Variants in PDGFRL observed in about 807,000 individuals in gnomAD.
The protein encoded by PDGFRL is platelet derived growth factor receptor like, also known as platelet-derived growth factor receptor-like protein.
In PDGFRL, 46 loss-of-function variants were observed where a neutral mutation model predicts 37.2. The observed-to-expected ratio is 1.24, with a 90% CI of 0.98 to 1.58. The LOEUF (loss-of-function observed/expected upper bound fraction) is 1.58. Ranked by LOEUF, PDGFRL falls within the 40% of genes most tolerant of loss-of-function variation. The pLI, the probability that PDGFRL is intolerant of heterozygous loss-of-function variation, is 0.00. For synonymous variants in PDGFRL, 251 were observed against 184.3 expected (o/e 1.36, Z -2.93); for missense variants, 692 against 467.6 (o/e 1.48, Z -4.43).
rs549891078 is a variant in PDGFRL, at chr8:17,624,780, C to T, written c.505+3578C>T. On this transcript the variant is annotated intron_variant, in intron 3 of 5. Coordinates refer to ENST00000251630, the MANE Select transcript of PDGFRL (RefSeq NM_001372073.1). ...AAAATTAGGTGGGCATGGTGGCACA[C>T]GCCTGTAATTCCAGCTACTCGGGAG... 1.1e-4 allele frequency among the ~76,000 whole-genome samples: 17 copies of T among 152,168 alleles called. No individual in the cohort carries two copies. In the South Asian group the frequency reaches 2.7e-3, roughly 24 times the overall value.
intron 2 of PDGFRL, among the ~76,000 whole-genome samples, chr8:17,616,634 G>C (rs565698485): frequency 2.0e-5 from 3 of 152,118 alleles, no homozygotes; most frequent in South Asian, 2.1e-4. Context: ...CTCGATTTGC[G>C]CATGTTGACA....
intron 5 of PDGFRL, among the ~76,000 whole-genome samples, chr8:17,638,759 ATATATATATATATATATATATATATAT>A (rs1563532452): frequency 9.7e-5 from 9 of 92,830 alleles, no homozygotes; most frequent in South Asian, 6.4e-4. Context: ...ATATATATAT[ATATATATATATATATATATATATATAT>A]AATTGTGATA....
chr8:17,589,737 C>T lies in PDGFRL; in HGVS notation c.325C>T (p.Leu109=). 6.2e-7 allele frequency: 1 copy of T among 1,611,728 alleles called. No homozygotes were observed. Among genetic ancestry groups the T allele is most frequent in the South Asian group, 1.1e-5 (1 of 90,978 alleles). ...SRIGWSYPAY[L]DTFKDSRLSV... ...AATTGGGTGGAGCTACCCTGCGTATCTGGACACCTTTAAGGATTCTCGCCT... is the reference window on the plus strand; with the variant it reads ...AATTGGGTGGAGCTACCCTGCGTATTTGGACACCTTTAAGGATTCTCGCCT... Residue 109 remains leucine (L), a synonymous_variant, in exon 2 of 6, where the codon CTG becomes TTG. Transcript: ENST00000251630.
intron 2 of PDGFRL, 40 bp from the exon 3 acceptor site, chr8:17,621,011 G>A (rs1267152255): frequency 1.3e-6 from 2 of 1,541,192 alleles, no homozygotes; most frequent in Non-Finnish European, 1.8e-6. Flanking sequence ...GCCCCAGCCA[G>A]GTCTGACTTG....
chr8:17,609,650 A>T (rs1563517626), intron 2 of PDGFRL, among the ~76,000 whole-genome samples: 1 of 143,852 alleles, frequency 7.0e-6, no homozygotes, highest in African/African-American at 2.5e-5. Flanking sequence ...AAAAAAAAAA[A>T]AAAAAAAAAA....
chr8:17,637,544 G>C (rs536935211), intron 5 of PDGFRL, among the ~76,000 whole-genome samples: 6 of 152,098 alleles, frequency 3.9e-5, no homozygotes, highest in Middle Eastern at 3.4e-3. Flanking sequence ...TTTTTGTTAT[G>C]TCCTTTCCTG....
chr8:17,595,889 C>T (rs1029412925), intron 2 of PDGFRL, among the ~76,000 whole-genome samples: 1 of 152,210 alleles, frequency 6.6e-6, no homozygotes, highest in African/African-American at 2.4e-5. Flanking sequence ...GAGGGAGGGG[C>T]AGGCAGGCCC....
intron 2 of PDGFRL, among the ~76,000 whole-genome samples, chr8:17,616,622 C>T (rs976771372): frequency 6.6e-6 from 1 of 152,112 alleles, no homozygotes; most frequent in Non-Finnish European, 1.5e-5. Context: ...GGACTGCATG[C>T]CCTCGATTTG....
At chr8:17,641,639 C>T (rs73666201) in intron 5 of PDGFRL, among the ~76,000 whole-genome samples, 8,944 of 152,210 alleles carry the variant, frequency 0.059, 407 homozygotes, top group East Asian at 0.23. Context: ...GCAATTGCAG[C>T]GTATTTAGCC....
Position 17,634,094 on chromosome 8 carries a change from A to T in PDGFRL, c.820A>T (p.Thr274Ser). ...TCCAGTTCCCAGTGGCCCTCCCTCA[A>T]CAACCATCTTGGCTTCTTCAAACAA... ...YVAVPSGPPS[T>S]TILASSNKVK... The change falls in exon 5 of 6, where the codon ACA (threonine) becomes TCA (serine). Residue 274 changes from threonine (T) to serine (S), a missense_variant. Transcript: ENST00000251630. 1 of 1,614,088 alleles carries T rather than the reference A, an allele frequency of 6.2e-7. No homozygotes were observed. Among genetic ancestry groups the T allele is most frequent in the Non-Finnish European group, 8.5e-7 (1 of 1,179,950 alleles).
chr8:17,630,045 A>T (rs1804830224), intron 4 of PDGFRL, among the ~76,000 whole-genome samples: 1 of 152,042 alleles, frequency 6.6e-6, no homozygotes, highest in African/African-American at 2.4e-5. Context: ...CCTTCTCCCC[A>T]TGCCTGTACT....
At position 17,580,010 on chromosome 8, in the gene PDGFRL, C is replaced by G. The variant is rs1803671960; in HGVS notation, c.55+2703C>G. ...TTTCACATTGAAAAGTATAAAATCA[C>G]AAATATTTCCTGACTTTTGATTACC... is the stretch of plus-strand genomic sequence containing the variant. On this transcript the variant is annotated intron_variant, in intron 1 of 5. Coordinates refer to ENST00000251630, the MANE Select transcript of PDGFRL (RefSeq NM_001372073.1). Among the ~76,000 whole-genome samples, 3 of 152,144 alleles carry G rather than the reference C, an allele frequency of 2.0e-5. 1 individual carries two copies. The South Asian group carries it at 6.2e-4, about 32-fold the overall frequency.
At chr8:17,609,785 G>A (rs1220793566) in intron 2 of PDGFRL, among the ~76,000 whole-genome samples, 1 of 151,944 alleles carries the variant, frequency 6.6e-6, no homozygotes, top group East Asian at 1.9e-4. Flanking sequence ...TTGAGCCACA[G>A]AGCCTAAGAG....
intron 2 of PDGFRL, among the ~76,000 whole-genome samples, chr8:17,601,320 TGCCAGAGGCACTGA>T (rs1804161258): frequency 6.6e-6 from 1 of 152,152 alleles, no homozygotes; most frequent in African/African-American, 2.4e-5. Context: ...GAATGAATGG[TGCCAGAGGCACTGA>T]GCCTGCAGGG....
chr8:17,582,227 A>C (rs1420473401), intron 1 of PDGFRL, among the ~76,000 whole-genome samples: 3 of 152,090 alleles, frequency 2.0e-5, no homozygotes, highest in African/African-American at 7.2e-5. Context: ...GTGATGTCCT[A>C]GGGTATCCTA....
At chr8:17,629,971 C>T (rs146991615) in intron 4 of PDGFRL, among the ~76,000 whole-genome samples, 5 of 152,290 alleles carry the variant, frequency 3.3e-5, no homozygotes, top group East Asian at 1.9e-4. Context: ...ACACCCGGCA[C>T]GCCCTCCTCT....
rs141545312 is a variant in PDGFRL, at chr8:17,633,643, C to A, written c.800-431C>A. Among the ~76,000 whole-genome samples, 164 of 152,308 alleles carry A rather than the reference C, an allele frequency of 1.1e-3. 1 individual carries two copies. Among genetic ancestry groups the A allele is most frequent in the African/African-American group, 3.9e-3 (162 of 41,560 alleles). On this transcript the variant is annotated intron_variant, in intron 4 of 5. Coordinates refer to ENST00000251630, the MANE Select transcript of PDGFRL (RefSeq NM_001372073.1). ...ACTCATGCCCAAACATCTTTCACAT[C>A]TGTACATTTAGATTTTCTGTTCGTC... is the stretch of plus-strand genomic sequence containing the variant.
chr8:17,636,436 A>T (rs1804970696), intron 5 of PDGFRL, among the ~76,000 whole-genome samples: 1 of 151,720 alleles, frequency 6.6e-6, no homozygotes, highest in Non-Finnish European at 1.5e-5. Flanking sequence ...ATTTGGGTTT[A>T]TTTCTGGGTT....
intron 1 of PDGFRL, among the ~76,000 whole-genome samples, chr8:17,579,297 T>C (rs1426694184): frequency 6.6e-6 from 1 of 152,094 alleles, no homozygotes; most frequent in African/African-American, 2.4e-5. Flanking sequence ...TATGTAACCG[T>C]TTGGCTAAAC....
Sources: gnomAD v4.1 joint callset for allele counts (sites outside exome capture counted in the v4.1 genomes callset) on GRCh38, gnomAD v4.1.1 for gene constraint, MANE v1.5 for transcripts, NCBI Gene and HGNC (gene_info 2026-07-23, HGNC 2026-07-21) for gene names.